PEMT: variants seen among roughly 807,000 people sequenced by gnomAD.
PEMT encodes the protein phosphatidylethanolamine N-methyltransferase, also known as phospholipid methyltransferase.
In PEMT, 23 loss-of-function variants were observed where a neutral mutation model predicts 27.4. The observed-to-expected ratio is 0.84, with a 90% CI of 0.60 to 1.19. The LOEUF (loss-of-function observed/expected upper bound fraction) is 1.19, where lower values mean the gene tolerates loss of function less well. Ranked by LOEUF, PEMT falls within the 50% of genes most tolerant of loss-of-function variation. The pLI is 0.00. For synonymous variants in PEMT, 137 were observed against 139.1 expected (o/e 0.98, Z 0.11); for missense variants, 307 against 310.1 (o/e 0.99, Z 0.07).
chr17:17,509,275 G>A (rs1291162021), intron 5 of PEMT, among the ~76,000 whole-genome samples, 159 bp downstream of exon 5: 2 of 152,244 alleles, frequency 1.3e-5, no homozygotes, highest in African/African-American at 4.8e-5. Context: ...TAGATAAGAC[G>A]CTTCTGAGAA....
chr17:17,534,344 A>G (rs1196062823), intron 2 of PEMT, among the ~76,000 whole-genome samples: 2 of 152,224 alleles, frequency 1.3e-5, no homozygotes, highest in Non-Finnish European at 2.9e-5. Context: ...AGACAAACAT[A>G]GAGTATACTG....
At chr17:17,558,915 T>G (rs1437243272) in intron 2 of PEMT, among the ~76,000 whole-genome samples, 1 of 151,958 alleles carries the variant, frequency 6.6e-6, no homozygotes, top group East Asian at 1.9e-4. Context: ...ACGAAAGAAT[T>G]CTTAGCAAGT....
intron 3 of PEMT, among the ~76,000 whole-genome samples, chr17:17,514,587 G>T (rs1045894554): frequency 2.0e-5 from 3 of 152,234 alleles, no homozygotes; most frequent in African/African-American, 7.2e-5. Context: ...CCACCCACCA[G>T]TGCCCTGCCC....
chr17:17,558,508 C>CA (rs11292697), intron 2 of PEMT, among the ~76,000 whole-genome samples: 77 of 143,938 alleles, frequency 5.3e-4, no homozygotes, highest in Admixed American at 9.1e-4. Flanking sequence ...AACTCTATCT[C>CA]AAAAAAAAAA....
chr17:17,549,922 T>C (rs948054759), intron 2 of PEMT, among the ~76,000 whole-genome samples: 3 of 152,286 alleles, frequency 2.0e-5, no homozygotes, highest in African/African-American at 4.8e-5. Context: ...CCAGAGGCCA[T>C]GCCAACAGGG....
intron 6 of PEMT, 126 bp from the exon 7 acceptor site, chr17:17,505,974 A>T (rs1002377082): frequency 7.3e-7 from 1 of 1,378,470 alleles, no homozygotes; most frequent in African/African-American, 1.5e-5. Context: ...CATCCCCCAG[A>T]GCCACTGGGG....
chr17:17,585,135 C>CAAGACT (rs1274575009), intron 1 of PEMT, among the ~76,000 whole-genome samples: 2 of 152,110 alleles, frequency 1.3e-5, no homozygotes, highest in African/African-American at 4.8e-5. Flanking sequence ...GTCAGGAGTT[C>CAAGACT]AAGACTAGCC....
At position 17,523,109 on chromosome 17, in the gene PEMT, G is replaced by A. The variant is rs1477837550; in HGVS notation, c.205-714C>T. 2.0e-5 allele frequency among the ~76,000 whole-genome samples: 3 copies of A among 152,204 alleles called. No individual in the cohort carries two copies. Among genetic ancestry groups the A allele is most frequent in the African/African-American group, 4.8e-5 (2 of 41,536 alleles). ...TTTCCACAGTCCTGAGCTGGTTATC[G>A]CCCGGGCCTGGCCCAGCACACTGAG... On this transcript the variant is annotated intron_variant, in intron 2 of 6. Coordinates refer to ENST00000255389, the MANE Select transcript of PEMT (RefSeq NM_148172.3). This position sits in a 1 kb window ranked among gnomAD's most constrained non-coding sequence, Gnocchi z 4.8.
chr17:17,505,957 T>C (rs1176276271), intron 6 of PEMT, 109 bp from the exon 7 acceptor site: 6 of 1,419,212 alleles, frequency 4.2e-6, no homozygotes, highest in Non-Finnish European at 5.6e-6. Flanking sequence ...GGGACCGGGA[T>C]CCCCTTCATC....
chr17:17,556,866 T>C (rs4646372), intron 2 of PEMT, among the ~76,000 whole-genome samples: 95,475 of 151,986 alleles, frequency 0.63, 30,970 homozygotes, highest in African/African-American at 0.8. Context: ...TCTGCAGATG[T>C]CGTGGCTCCC....
intron 1 of PEMT, among the ~76,000 whole-genome samples, chr17:17,579,132 TG>T (rs1279636321): frequency 6.6e-6 from 1 of 152,130 alleles, no homozygotes; most frequent in Non-Finnish European, 1.5e-5. Flanking sequence ...CAGCCAGCCC[TG>T]GGGGGCAAGC....
Position 17,512,379 on chromosome 17 carries a change from C to T in PEMT, c.466+130G>A, listed in dbSNP as rs999411392. On this transcript the variant is annotated intron_variant, in intron 4 of 6. Transcript: ENST00000255389. The surrounding 1 kb of genome is among the most constrained non-coding windows in gnomAD (Gnocchi z 6.3). ...CAAGCCAGGCCTGGAGGAGCAAAGA[C>T]GCCCCGATGGAGGGGGCCCCTAGCA... 22 of 776,890 alleles carry T rather than the reference C, an allele frequency of 2.8e-5. No individual in the cohort carries two copies. The highest frequency in any genetic ancestry group is 1.3e-4 in the African/African-American group (7 of 55,206). 48.1% of individuals were successfully genotyped at this position (776,890 alleles called of 1,614,324 possible).
intron 5 of PEMT, chr17:17,507,102 C>T (rs1056323227): frequency 6.9e-5 from 103 of 1,485,950 alleles, no homozygotes; most frequent in South Asian, 1.8e-4. Context: ...GGAGCCCGGG[C>T]GCAGCTGCTT....
chr17:17,556,838 A>G (rs1358672263), intron 2 of PEMT, among the ~76,000 whole-genome samples: 1 of 152,096 alleles, frequency 6.6e-6, no homozygotes, highest in African/African-American at 2.4e-5. Flanking sequence ...TTTGCTATTA[A>G]TGGGGAAATC....
intron 2 of PEMT, among the ~76,000 whole-genome samples, chr17:17,568,870 A>G (rs563807196): frequency 6.6e-6 from 1 of 152,204 alleles, no homozygotes; most frequent in South Asian, 2.1e-4. Context: ...AGCCAGGAGA[A>G]GCACACCTCA....
chr17:17,553,315 C>T (rs1268381816), intron 2 of PEMT, among the ~76,000 whole-genome samples: 2 of 152,190 alleles, frequency 1.3e-5, no homozygotes, highest in African/African-American at 4.8e-5. Context: ...AGTGTCCGCC[C>T]AGAACTTGGC....
intron 2 of PEMT, among the ~76,000 whole-genome samples, chr17:17,548,083 G>C (rs1415206798): frequency 6.6e-6 from 1 of 152,206 alleles, no homozygotes; most frequent in Non-Finnish European, 1.5e-5. Flanking sequence ...CACCTCCCGG[G>C]ATACCCATTA....
At chr17:17,552,322 A>G (rs1223998868) in intron 2 of PEMT, among the ~76,000 whole-genome samples, 1 of 152,146 alleles carries the variant, frequency 6.6e-6, no homozygotes, top group Non-Finnish European at 1.5e-5. Context: ...AAAAAAAAAA[A>G]AGTTTCACTG....
chr17:17,578,637 G>A (rs1002786997), intron 1 of PEMT: 6 of 152,000 alleles, frequency 3.9e-5, no homozygotes, highest in East Asian at 1.9e-4. Context: ...AGTTGTGCTC[G>A]CTTCAGCAGC....
Sources: gnomAD v4.1 joint callset for allele counts (sites outside exome capture counted in the v4.1 genomes callset) on GRCh38, gnomAD v4.1.1 for gene constraint, Gnocchi (gnomAD v3.1) non-coding constraint, MANE v1.5 for transcripts, NCBI Gene and HGNC (gene_info 2026-07-23, HGNC 2026-07-21) for gene names.